The following LIMS1 variants were observed in gnomAD, a reference collection of about 807,000 sequenced individuals.
LIMS1 encodes LIM and senescent cell antigen-like-containing domain protein 1.
Under a neutral mutation model 44.1 loss-of-function variants are expected in LIMS1, and 18 were observed. That is an observed-to-expected ratio of 0.41 (90% CI 0.28 to 0.61). The LOEUF is 0.61. Ranked by LOEUF, LIMS1 falls within the 20% of genes least tolerant of loss-of-function variation. LIMS1 has a pLI of 0.32. For synonymous variants in LIMS1, 93 were observed against 149.1 expected, an observed-to-expected ratio of 0.62 and a Z score of 2.74; for missense variants, 201 against 422.0, an observed-to-expected ratio of 0.48 and a Z score of 4.59.
chr2:108,588,517 G>C (rs1471370452), intron 1 of LIMS1: 1 of 985,538 alleles, frequency 1.0e-6, no homozygotes, highest in Non-Finnish European at 1.2e-6. Flanking sequence ...AGAGTGCGTA[G>C]GTTTGCAGAA....
rs1691216886 is a variant in LIMS1, at chr2:108,659,873, G to A, written c.192+109G>A. 6.3e-6 allele frequency: 10 copies of A among 1,580,972 alleles called. No homozygotes were observed. The East Asian group carries it at 2.2e-4, about 35-fold the overall frequency. On this transcript the variant is annotated intron_variant, in intron 2 of 9. Transcript: ENST00000544547. ...ATGTTCAGTTTCATGATGAAAGACT[G>A]AAGTGCCACATGCATGCCAGGTATT...
intron 1 of LIMS1, among the ~76,000 whole-genome samples, chr2:108,635,173 G>A (rs1689154779): frequency 6.6e-6 from 1 of 152,188 alleles, no homozygotes; most frequent in African/African-American, 2.4e-5. Context: ...ACTCACGCCT[G>A]TAACCCCAGC....
At chr2:108,585,894 T>A (rs997340478) in intron 1 of LIMS1, among the ~76,000 whole-genome samples, 5 of 152,084 alleles carry the variant, frequency 3.3e-5, no homozygotes, top group Non-Finnish European at 7.4e-5. Context: ...GAGATAACTT[T>A]TAGAAAATGG....
Position 108,674,750 on chromosome 2 carries a change from A to G in LIMS1, c.531-1128A>G, listed in dbSNP as rs191335064. On this transcript the variant is annotated intron_variant, in intron 5 of 9. Coordinates refer to ENST00000544547, the Ensembl canonical transcript of LIMS1. ...AAAAAAAAAAAAAAGAGAAAGAAAG[A>G]AAACAGTTTGGTTGTATAAGTTCAG... Among the ~76,000 whole-genome samples the G allele has an allele frequency of 7.6e-3, 1,128 of 148,092 alleles. 5 individuals are homozygous for G. Among genetic ancestry groups the G allele is most frequent in the Non-Finnish European group, 0.013 (852 of 67,242 alleles).
intron 1 of LIMS1, among the ~76,000 whole-genome samples, chr2:108,589,211 A>G (rs1309775650): frequency 2.0e-5 from 3 of 151,938 alleles, no homozygotes; most frequent in Non-Finnish European, 2.9e-5. Flanking sequence ...CATTTTTTTA[A>G]GTTTTATTTT....
At chr2:108,602,364 G>A (rs532337393) in intron 1 of LIMS1, among the ~76,000 whole-genome samples, 5 of 152,260 alleles carry the variant, frequency 3.3e-5, no homozygotes, top group South Asian at 2.1e-4. Context: ...CATCCTTGTC[G>A]TGTTCCAGAT....
At chr2:108,580,086 G>C (rs1355837414) in intron 1 of LIMS1, among the ~76,000 whole-genome samples, 1 of 152,188 alleles carries the variant, frequency 6.6e-6, no homozygotes, top group Non-Finnish European at 1.5e-5. Flanking sequence ...GCAAACAGAA[G>C]CTTCAAAGAA....
At chr2:108,551,658 G>GTATA (rs915096911) in intron 1 of LIMS1, among the ~76,000 whole-genome samples, 7 of 141,552 alleles carry the variant, frequency 4.9e-5, no homozygotes, top group African/African-American at 1.8e-4. Context: ...GTATATATAT[G>GTATA]TATATACACA....
intron 1 of LIMS1, among the ~76,000 whole-genome samples, chr2:108,614,872 ATTT>A (rs1018383705): frequency 6.6e-6 from 1 of 152,148 alleles, no homozygotes; most frequent in African/African-American, 2.4e-5. Flanking sequence ...ATTGTGGTTT[ATTT>A]TTTAAGACAC....
chr2:108,547,632 G>T (rs1684524936), intron 1 of LIMS1, among the ~76,000 whole-genome samples: 1 of 152,210 alleles, frequency 6.6e-6, no homozygotes, highest in Non-Finnish European at 1.5e-5. Flanking sequence ...CCTCAGGCTT[G>T]TGTTGAACGC....
chr2:108,577,483 A>T (rs981061912), intron 1 of LIMS1, among the ~76,000 whole-genome samples: 1 of 152,208 alleles, frequency 6.6e-6, no homozygotes, highest in Non-Finnish European at 1.5e-5. Context: ...AGTTAGTGAT[A>T]TGGTAGTCAT....
chr2:108,674,067 C>G (rs1692333905), intron 5 of LIMS1: 1 of 152,228 alleles, frequency 6.6e-6, no homozygotes, highest in African/African-American at 2.4e-5. Flanking sequence ...GTGGCTCACA[C>G]CTGTAATCCC....
intron 1 of LIMS1, among the ~76,000 whole-genome samples, chr2:108,635,860 A>G (rs1004768162): frequency 9.2e-5 from 14 of 152,212 alleles, no homozygotes; most frequent in Non-Finnish European, 1.9e-4. Flanking sequence ...GAATGTAAAT[A>G]CAATTGTTTA....
intron 5 of LIMS1, chr2:108,673,300 G>A (rs944992295): frequency 7.4e-6 from 4 of 538,260 alleles, no homozygotes; most frequent in Non-Finnish European, 1.3e-5. Flanking sequence ...GCCTGTATAC[G>A]CATACCTCTA....
intron 2 of LIMS1, among the ~76,000 whole-genome samples, chr2:108,661,381 C>G (rs538127331): frequency 6.6e-6 from 1 of 150,542 alleles, no homozygotes. Context: ...CAAACATGCT[C>G]TATGTATCTT....
At chr2:108,606,772 A>T (rs116807888) in intron 1 of LIMS1, among the ~76,000 whole-genome samples, 3,818 of 152,308 alleles carry the variant, frequency 0.025, 104 homozygotes, top group African/African-American at 0.064. Context: ...CCAAATGGGA[A>T]TATTGTGGGA....
chr2:108,597,177 G>A (rs181754343), intron 1 of LIMS1, among the ~76,000 whole-genome samples: 1 of 152,096 alleles, frequency 6.6e-6, no homozygotes, highest in African/African-American at 2.4e-5. Context: ...CAAAAGTGCT[G>A]AGATTACAGA....
At chr2:108,674,150 ACC>A (rs1692343362) in intron 5 of LIMS1, among the ~76,000 whole-genome samples, 1 of 151,002 alleles carries the variant, frequency 6.6e-6, no homozygotes, top group Non-Finnish European at 1.5e-5. Context: ...ACACGGTGAA[ACC>A]CCGTCTCTAC....
chr2:108,646,957 G>A (rs1369963592), intron 1 of LIMS1, among the ~76,000 whole-genome samples: 4 of 152,068 alleles, frequency 2.6e-5, no homozygotes, highest in Non-Finnish European at 5.9e-5. Context: ...TCCTGATCTC[G>A]TGATCCGCCC....
Sources: gnomAD v4.1 joint callset for allele counts (sites outside exome capture counted in the v4.1 genomes callset) on GRCh38, gnomAD v4.1.1 for gene constraint, MANE v1.5 for transcripts, NCBI Gene and HGNC (gene_info 2026-07-23, HGNC 2026-07-21) for gene names.